The following PIK3R2 variants were observed in gnomAD, a reference collection of about 807,000 sequenced individuals.
PIK3R2 encodes phosphoinositide-3-kinase regulatory subunit 2.
A neutral mutation model predicts 78.5 loss-of-function variants in PIK3R2; 40 were observed. The observed-to-expected ratio is 0.51, with a 90% CI of 0.40 to 0.66. PIK3R2 has a LOEUF of 0.66. Ranked by LOEUF, PIK3R2 falls within the 30% of genes least tolerant of loss-of-function variation. The pLI, the probability that PIK3R2 is intolerant of heterozygous loss-of-function variation, is 0.00. For synonymous variants in PIK3R2, 473 were observed against 457.7 expected, an observed-to-expected ratio of 1.03 and a Z score of -0.43; for missense variants, 880 against 1,026.6, an observed-to-expected ratio of 0.86 and a Z score of 1.95.
chr19:18,169,345 G>A lies in PIK3R2; in HGVS notation c.*51G>A. On this transcript the variant is annotated 3_prime_UTR_variant, in exon 16 of 16. Transcript: ENST00000222254. ...GCCGCCCCTGGGCCCGTCTGCGCCG[G>A]AGGCTGCGGCGGCGGGAGCCACGGA... 8.7e-7 allele frequency: 1 copy of A among 1,146,076 alleles called. No homozygotes were observed. Among genetic ancestry groups the A allele is most frequent in the Non-Finnish European group, 1.1e-6 (1 of 901,722 alleles). The allele number at this position is 1,146,076 out of a possible 1,614,324, so 71.0% of individuals were successfully genotyped here. A position where few individuals can be genotyped will look rare whatever the true frequency, so the allele number is the denominator to read the frequency against.
At position 18,167,922 on chromosome 19, in the gene PIK3R2, G is replaced by A. The variant is rs1041274139; in HGVS notation, c.1737-553G>A. On this transcript the variant is annotated intron_variant, in intron 13 of 15. Transcript: ENST00000222254. This position sits in a 1 kb window ranked among gnomAD's most constrained non-coding sequence, Gnocchi z 4.5. ...GCAACCTACCATGCTGGGTGGCTGC[G>A]GCAGCCCTGTCCTGGGTTCAAATCA... 6.6e-5 allele frequency among the ~76,000 whole-genome samples: 10 copies of A among 152,002 alleles called. No homozygotes were observed. The highest frequency in any genetic ancestry group is 5.9e-4 in the Admixed American group (9 of 15,262).
rs900747241 is a variant in PIK3R2 at position 18,167,502 on chromosome 19, A to G, written c.1736+196A>G. The stretch of plus-strand genomic sequence containing the variant: ...CCTCAGCTTAGTCAGAGGTGTGTGC[A>G]ATGGGAGTGTCACTCCTATCCCATT... On this transcript the variant is annotated intron_variant, in intron 13 of 15. Transcript: ENST00000222254. This position sits in a 1 kb window ranked among gnomAD's most constrained non-coding sequence, Gnocchi z 4.5. Among the ~76,000 whole-genome samples, 3 of 152,080 alleles carry G rather than the reference A, an allele frequency of 2.0e-5. No individual in the cohort carries two copies. Among genetic ancestry groups the G allele is most frequent in the Non-Finnish European group, 2.9e-5 (2 of 67,984 alleles).
At position 18,167,169 on chromosome 19, in the gene PIK3R2, C is replaced by T. The variant is rs769633245; in HGVS notation, c.1599C>T (p.Ala533=). The T allele has an allele frequency of 3.0e-5, 49 of 1,607,810 alleles. 1 individual carries two copies. The South Asian group carries it at 4.3e-4, about 14-fold the overall frequency. ...CCGAGCGGCTCAAGTCCCGCATTGC[C>T]GAGATCCATGAGAGCCGCACGAAGC... ...LNSERLKSRI[A]EIHESRTKLE... Residue 533 remains alanine, a synonymous_variant, in exon 13 of 16, where the codon GCC becomes GCT. Transcript: ENST00000222254. The surrounding 1 kb of genome is among the most constrained non-coding windows in gnomAD (Gnocchi z 4.5).
chr19:18,164,041 G>T (rs868481036), intron 11 of PIK3R2, among the ~76,000 whole-genome samples: 12 of 149,818 alleles, frequency 8.0e-5, no homozygotes, highest in African/African-American at 3.0e-4. Context: ...CAGGAGAATC[G>T]CTTGAGCCTG....
chr19:18,158,523 C>T lies in PIK3R2; in HGVS notation c.323-1948C>T, dbSNP rs371113927. 4.8e-5 allele frequency among the ~76,000 whole-genome samples: 4 copies of T among 83,898 alleles called. No individual in the cohort carries two copies. The East Asian group carries it at 1.5e-3, about 32-fold the overall frequency. 55.0% of individuals were successfully genotyped at this position (83,898 alleles called of 152,430 possible). Reference sequence around the variant, plus strand: ...CAACAACAACAACAACAACAAAAAACGAGGAGGCCAAGGCAAGTGGATCGT... The same window carrying T: ...CAACAACAACAACAACAACAAAAAATGAGGAGGCCAAGGCAAGTGGATCGT... On this transcript the variant is annotated intron_variant, in intron 2 of 15. Transcript: ENST00000222254.
chr19:18,163,663 A>T (rs1439248979), intron 11 of PIK3R2, among the ~76,000 whole-genome samples: 8 of 152,134 alleles, frequency 5.3e-5, no homozygotes, highest in Non-Finnish European at 1.2e-4. Flanking sequence ...TCTACAAAAA[A>T]ATTTAAAAAT....
At chr19:18,166,427 T>C in intron 12 of PIK3R2, 125 bp downstream of exon 12, 1 of 781,912 alleles carries the variant, frequency 1.3e-6, no homozygotes, top group Non-Finnish European at 2.1e-6. Context: ...AAATGGACTT[T>C]GGGCCTGGTG....
At position 18,168,940 on chromosome 19, in the gene PIK3R2, G is replaced by T. The variant is rs368264134; in HGVS notation, c.1979+44G>T. 12 of 1,589,098 alleles carry T rather than the reference G, an allele frequency of 7.6e-6. No individual in the cohort carries two copies. The highest frequency in any genetic ancestry group is 2.7e-5 in the African/African-American group (2 of 74,264). Reference sequence around the variant, plus strand: ...TGGGGATTCCCGCGTCCCTCCCAGAGCTCTCATTGAATGCCTGCCGCGTGC... The same window carrying T: ...TGGGGATTCCCGCGTCCCTCCCAGATCTCTCATTGAATGCCTGCCGCGTGC... On this transcript the variant is annotated intron_variant, in intron 15 of 15. Coordinates refer to ENST00000222254, the MANE Select transcript of PIK3R2 (RefSeq NM_005027.4). This position sits in a 1 kb window ranked among gnomAD's most constrained non-coding sequence, Gnocchi z 4.1.
rs560713852 is a variant in PIK3R2 at position 18,161,873 on chromosome 19, AC to A, written c.816-88del. 2.2e-4 allele frequency: 225 copies of A among 1,020,004 alleles called. No individual in the cohort carries two copies. In the African/African-American group the frequency reaches 3.3e-3, roughly 15 times the overall value. The allele number at this position is 1,020,004 out of a possible 1,614,324, so 63.2% of individuals were successfully genotyped here. On this transcript the variant is annotated intron_variant, in intron 6 of 15. Coordinates refer to ENST00000222254, the MANE Select transcript of PIK3R2 (RefSeq NM_005027.4). This position sits in a 1 kb window ranked among gnomAD's most constrained non-coding sequence, Gnocchi z 5.3. Reference sequence around the variant, plus strand: ...GCCCTGCACATACTGTCTCGTATATACCCCCAGGCGTGCAAGCGCACGCACA... The same window carrying A: ...GCCCTGCACATACTGTCTCGTATATACCCCAGGCGTGCAAGCGCACGCACA...
chr19:18,153,591 G>A (rs1295331603), intron 1 of PIK3R2, among the ~76,000 whole-genome samples: 3 of 152,152 alleles, frequency 2.0e-5, no homozygotes, highest in Non-Finnish European at 1.5e-5. Flanking sequence ...GCTTCGAATA[G>A]TACCGAGGGG....
chr19:18,162,560 G>A (rs1470667804), intron 9 of PIK3R2, 54 bp downstream of exon 9: 2 of 1,440,646 alleles, frequency 1.4e-6, no homozygotes, highest in Non-Finnish European at 1.9e-6. Flanking sequence ...CAGAGACCGG[G>A]AGTTCAGAGG....
intron 1 of PIK3R2, among the ~76,000 whole-genome samples, chr19:18,154,619 C>T (rs920195506): frequency 6.6e-6 from 1 of 152,198 alleles, no homozygotes; most frequent in East Asian, 1.9e-4. Flanking sequence ...TGCGTCCTCC[C>T]TGCCCTAGGT....
At chr19:18,153,742 G>A (rs2043647549) in intron 1 of PIK3R2, among the ~76,000 whole-genome samples, 1 of 152,158 alleles carries the variant, frequency 6.6e-6, no homozygotes, top group Non-Finnish European at 1.5e-5. Flanking sequence ...CTTCACCCGC[G>A]GAGCCCCCAG....
chr19:18,167,683 C>T lies in PIK3R2; in HGVS notation c.1736+377C>T, dbSNP rs572690608. On this transcript the variant is annotated intron_variant, in intron 13 of 15. Coordinates refer to ENST00000222254, the MANE Select transcript of PIK3R2 (RefSeq NM_005027.4). This position sits in a 1 kb window ranked among gnomAD's most constrained non-coding sequence, Gnocchi z 4.5. ...GACCAGCCTGGCCAACATGGTGAAA[C>T]CCCGTCTCTACTAAAAATAAAAAAT... Among the ~76,000 whole-genome samples, 11 of 152,162 alleles carry T rather than the reference C, an allele frequency of 7.2e-5. No individual in the cohort carries two copies. In the East Asian group the frequency reaches 1.4e-3, roughly 19 times the overall value.
rs1319916213 is a variant in PIK3R2 at position 18,161,680 on chromosome 19, G to A, written c.815+185G>A. On this transcript the variant is annotated intron_variant, in intron 6 of 15. Transcript: ENST00000222254. The surrounding 1 kb of genome is among the most constrained non-coding windows in gnomAD (Gnocchi z 5.3). ...CCTGAGTCGTGGGACAGAAGGTGAAGGGGCCTAGTCCCGAAGCATGTGGGT... is the reference window on the plus strand; with the variant it reads ...CCTGAGTCGTGGGACAGAAGGTGAAAGGGCCTAGTCCCGAAGCATGTGGGT... 5.9e-5 allele frequency among the ~76,000 whole-genome samples: 9 copies of A among 152,166 alleles called. No individual in the cohort carries two copies. The highest frequency in any genetic ancestry group is 1.0e-4 in the Non-Finnish European group (7 of 68,012).
chr19:18,162,051 G>C lies in PIK3R2; in HGVS notation c.901G>C (p.Ala301Pro). The C allele has an allele frequency of 2.5e-6, 4 of 1,613,456 alleles. No homozygotes were observed. Among genetic ancestry groups the C allele is most frequent in the Non-Finnish European group, 3.4e-6 (4 of 1,179,628 alleles). ...GGAAGAGCAGGAGGTTGCGCCCCCA[G>C]GTGAGTCCCCTGTATTGCTGTCATT... ...HLEEQEVAPP[A>P]LPPKPPKAKP... Residue 301 changes from alanine (A) to proline (P), a missense_variant and splice_region_variant, in exon 7 of 16, where the codon GCG becomes CCG. Ala to Pro is a conservative substitution (Grantham distance 27, BLOSUM62 -1). Coordinates refer to ENST00000222254, the MANE Select transcript of PIK3R2 (RefSeq NM_005027.4).
rs992071374 is a variant in PIK3R2 at position 18,167,783 on chromosome 19, T to C, written c.1736+477T>C. On this transcript the variant is annotated intron_variant, in intron 13 of 15. Transcript: ENST00000222254. This position sits in a 1 kb window ranked among gnomAD's most constrained non-coding sequence, Gnocchi z 4.5. ...AAGAGGCTGAGGCAGGAGAATCACT[T>C]GAACGGGGAGGTGGAGTTTGCAGTG... Among the ~76,000 whole-genome samples, 3 of 152,054 alleles carry C rather than the reference T, an allele frequency of 2.0e-5. No individual in the cohort carries two copies. Among genetic ancestry groups the C allele is most frequent in the Non-Finnish European group, 2.9e-5 (2 of 67,996 alleles).
chr19:18,165,985 G>A (rs967890204), intron 11 of PIK3R2, 175 bp from the exon 12 acceptor site: 7 of 793,592 alleles, frequency 8.8e-6, no homozygotes, highest in Admixed American at 3.5e-5. Context: ...TTTGGGGGGT[G>A]GGGTTTTGAA....
rs2147952903 is a variant in PIK3R2 at position 18,163,002 on chromosome 19, A to T, written c.1145A>T (p.His382Leu). ...GGNNKLIKVFHRDGHYGFSEP... is the reference protein window; with the variant it reads ...GGNNKLIKVFLRDGHYGFSEP... ...AACAATAAGCTGATCAAGGTCTTCC[A>T]CCGAGATGGGCACTATGGCTTCTCA... Residue 382 changes from histidine to leucine, a missense_variant, in exon 10 of 16, where the codon CAC becomes CTC. Physicochemically the swap from His to Leu is moderately conservative, Grantham distance 99 (BLOSUM62 -3). Around this residue, in one of 3 missense-constraint regions of PIK3R2, gnomAD observed 156 missense variants for 241.0 expected, o/e 0.65. Transcript: ENST00000222254. 3 of 1,613,836 alleles carry T rather than the reference A, an allele frequency of 1.9e-6. No homozygotes were observed. Among genetic ancestry groups the T allele is most frequent in the Non-Finnish European group, 2.5e-6 (3 of 1,179,954 alleles).
Sources: allele counts gnomAD v4.1 joint callset (sites outside exome capture counted in the v4.1 genomes callset), GRCh38; gene constraint gnomAD v4.1.1; regional missense constraint gnomAD v4.1.1; non-coding constraint Gnocchi (gnomAD v3.1); transcripts MANE v1.5; gene names NCBI Gene and HGNC (gene_info 2026-07-23, HGNC 2026-07-21).